Variants in SORCS2 observed in about 807,000 individuals in gnomAD.
SORCS2 encodes the protein sortilin related VPS10 domain containing receptor 2, also known as VPS10 domain-containing receptor SorCS2.
Under a neutral mutation model 141.6 loss-of-function variants are expected in SORCS2, and 100 were observed. The observed-to-expected ratio is 0.71, with a 90% CI of 0.60 to 0.83. SORCS2 has a LOEUF of 0.83. Among genes scored for constraint, SORCS2 ranks in the 40% least tolerant of loss-of-function variants. The probability of loss-of-function intolerance (pLI) is 0.00; values close to 1 mark genes in which losing one functional copy is unlikely to be tolerated. For synonymous variants in SORCS2, 789 were observed against 676.9 expected (o/e 1.17, Z -2.57); for missense variants, 1,646 against 1,560.2 (o/e 1.05, Z -0.93).
intron 3 of SORCS2, among the ~76,000 whole-genome samples, chr4:7,636,411 G>C (rs114115150): frequency 6.6e-6 from 1 of 152,236 alleles, no homozygotes; most frequent in Non-Finnish European, 1.5e-5. Context: ...ATGAAGGAAC[G>C]AACGAACACT....
intron 2 of SORCS2, among the ~76,000 whole-genome samples, chr4:7,453,604 A>G (rs1275364554): frequency 1.2e-4 from 8 of 64,952 alleles, no homozygotes; most frequent in East Asian, 5.0e-4. Context: ...TGGGGTCAGG[A>G]GCTGTGTGTT....
chr4:7,525,319 C>T (rs530565934), intron 2 of SORCS2, among the ~76,000 whole-genome samples: 1 of 152,074 alleles, frequency 6.6e-6, no homozygotes, highest in African/African-American at 2.4e-5. Context: ...GATGTGTGGT[C>T]ACAGCCTTTT....
At chr4:7,250,274 G>GAAA (rs1713404422) in intron 1 of SORCS2, among the ~76,000 whole-genome samples, 1 of 138,062 alleles carries the variant, frequency 7.2e-6, no homozygotes, top group African/African-American at 2.9e-5. Context: ...AAAGAAAGAA[G>GAAA]GTGAAGGCCT....
intron 11 of SORCS2, among the ~76,000 whole-genome samples, chr4:7,691,930 C>T (rs1431327543): frequency 6.6e-6 from 1 of 152,040 alleles, no homozygotes; most frequent in African/African-American, 2.4e-5. Context: ...TCATGCAAAG[C>T]ACCGAGAGCA....
chr4:7,619,796 G>C (rs777937160), intron 3 of SORCS2, among the ~76,000 whole-genome samples: 1 of 152,208 alleles, frequency 6.6e-6, no homozygotes. Context: ...TAGTGCCCGA[G>C]TGGGAAGGGA....
intron 1 of SORCS2, among the ~76,000 whole-genome samples, chr4:7,196,168 C>T (rs967766672): frequency 2.0e-5 from 3 of 152,194 alleles, no homozygotes; most frequent in Admixed American, 6.5e-5. Flanking sequence ...CCCTGTCTGA[C>T]GTTTAGCTGT....
At chr4:7,646,325 G>A (rs553984124) in intron 4 of SORCS2, among the ~76,000 whole-genome samples, 4 of 152,338 alleles carry the variant, frequency 2.6e-5, no homozygotes, top group South Asian at 2.1e-4. Context: ...GTACGCATCC[G>A]TATGGCTGGA....
intron 1 of SORCS2, among the ~76,000 whole-genome samples, chr4:7,258,519 G>A (rs1377017689): frequency 6.6e-6 from 1 of 152,162 alleles, no homozygotes; most frequent in African/African-American, 2.4e-5. Context: ...GTGTATATGT[G>A]CCACATTTTC....
Position 7,238,050 on chromosome 4 carries a change from G to A in SORCS2, c.480+44924G>A, listed in dbSNP as rs114153920. ...TGCAATGTGAAGTGCATCTTCTTTC[G>A]GAAACAATGTTCTTTCCGATGCGCT... On this transcript the variant is annotated intron_variant, in intron 1 of 26. Transcript: ENST00000507866. Among the ~76,000 whole-genome samples the A allele has an allele frequency of 5.7e-3, 871 of 152,060 alleles. 8 individuals carry two copies. Among genetic ancestry groups the A allele is most frequent in the African/African-American group, 0.02 (812 of 41,432 alleles).
At chr4:7,406,139 G>T (rs1724955243) in intron 2 of SORCS2, among the ~76,000 whole-genome samples, 1 of 151,858 alleles carries the variant, frequency 6.6e-6, no homozygotes, top group Non-Finnish European at 1.5e-5. Context: ...GTTGGGTTCA[G>T]TTTGCTAGTG....
At chr4:7,571,933 C>G (rs548015626) in intron 3 of SORCS2, among the ~76,000 whole-genome samples, 1 of 152,332 alleles carries the variant, frequency 6.6e-6, no homozygotes, top group Admixed American at 6.5e-5. Context: ...ATCCGCTCAA[C>G]TCAGCAAACG....
At chr4:7,309,450 C>T (rs532023190) in intron 1 of SORCS2, among the ~76,000 whole-genome samples, 22 of 152,214 alleles carry the variant, frequency 1.4e-4, no homozygotes, top group South Asian at 1.0e-3. Flanking sequence ...AGGCAGGTCC[C>T]GATCAAAAGC....
chr4:7,708,704 C>G (rs974194788), intron 14 of SORCS2, among the ~76,000 whole-genome samples: 5 of 152,246 alleles, frequency 3.3e-5, no homozygotes, highest in Admixed American at 2.0e-4. Flanking sequence ...CCACTGCATA[C>G]TACGGGCTGT....
chr4:7,209,312 T>C (rs4689635), intron 1 of SORCS2, among the ~76,000 whole-genome samples: 102,051 of 152,108 alleles, frequency 0.67, 34,400 homozygotes, highest in African/African-American at 0.69. Context: ...GCCTTGCTTG[T>C]CTTCATATCT....
intron 2 of SORCS2, among the ~76,000 whole-genome samples, chr4:7,481,551 A>G (rs1730636469): frequency 6.6e-6 from 1 of 152,126 alleles, no homozygotes; most frequent in African/African-American, 2.4e-5. Flanking sequence ...GGGAGCCGAG[A>G]GGGATGGTCC....
At chr4:7,569,832 C>T (rs1250951740) in intron 3 of SORCS2, among the ~76,000 whole-genome samples, 2 of 152,196 alleles carry the variant, frequency 1.3e-5, no homozygotes, top group Non-Finnish European at 2.9e-5. Flanking sequence ...AACTGTGAGG[C>T]ACTAAGTGTC....
At chr4:7,645,792 A>G (rs563854225) in intron 4 of SORCS2, among the ~76,000 whole-genome samples, 1 of 152,300 alleles carries the variant, frequency 6.6e-6, no homozygotes, top group South Asian at 2.1e-4. Context: ...GCTTCTTACC[A>G]TAGCTGTGTG....
intron 1 of SORCS2, among the ~76,000 whole-genome samples, chr4:7,366,348 G>A (rs573481629): frequency 2.4e-4 from 36 of 152,112 alleles, no homozygotes; most frequent in African/African-American, 6.8e-4. Context: ...GGCTGGAGCT[G>A]CAGCAGGGTC....
At chr4:7,470,528 G>T (rs1320970449) in intron 2 of SORCS2, among the ~76,000 whole-genome samples, 1 of 152,240 alleles carries the variant, frequency 6.6e-6, no homozygotes, top group East Asian at 1.9e-4. Context: ...GCTCTGCCTT[G>T]TGGCCAAGGA....
Sources: allele counts gnomAD v4.1 joint callset (sites outside exome capture counted in the v4.1 genomes callset), GRCh38; gene constraint gnomAD v4.1.1; transcripts MANE v1.5; gene names NCBI Gene and HGNC (gene_info 2026-07-23, HGNC 2026-07-21).